The following NAF1 variants were observed in gnomAD, a reference collection of about 807,000 sequenced individuals.
The protein encoded by NAF1 is nuclear assembly factor 1 ribonucleoprotein.
In NAF1, 11 loss-of-function variants were observed where a neutral mutation model predicts 40.6. That is an observed-to-expected ratio of 0.27 (90% CI 0.17 to 0.45). NAF1 has a LOEUF of 0.45. Among genes scored for constraint, NAF1 ranks in the 20% least tolerant of loss-of-function variants. The pLI is 1.00. For synonymous variants in NAF1, 260 were observed against 228.5 expected (o/e 1.14, Z -1.24); for missense variants, 607 against 611.1 (o/e 0.99, Z 0.07).
In NAF1 at chr4:163,128,918, A is replaced by C; in HGVS notation, c.1464T>G (p.Ser488=). The change falls in exon 8 of 8, where the codon TCT becomes TCG. Residue 488 remains serine (S), a synonymous_variant. Transcript: ENST00000274054. ...TCACCTAATAGTAAGGTCCAAAATG[A>C]GAATTACTATCTCCAGAAGAGGGTG... The part of the protein sequence containing the change: ...PPPPSSGDSN[S]HFGPYY The C allele has an allele frequency of 1.3e-6, 2 of 1,495,664 alleles. No homozygotes were observed. The highest frequency in any genetic ancestry group is 1.8e-6 in the Non-Finnish European group (2 of 1,115,024). 92.6% of individuals were successfully genotyped at this position (1,495,664 alleles called of 1,614,324 possible). A position where few individuals can be genotyped will look rare whatever the true frequency, so the allele number is the denominator to read the frequency against.
chr4:163,146,003 A>G lies in NAF1; in HGVS notation c.635-139T>C, dbSNP rs1171461454. The G allele has an allele frequency of 9.7e-6, 5 of 515,322 alleles. No homozygotes were observed. In the African/African-American group the frequency reaches 1.0e-4, roughly 10 times the overall value. The allele number at this position is 515,322 out of a possible 1,614,324, so 31.9% of individuals were successfully genotyped here. On this transcript the variant is annotated intron_variant, in intron 3 of 7. Transcript: ENST00000274054. ...TTACCTCATTAACCATTTTCTCTTC[A>G]GTAAACAAAGTCTACTTATTACCAA...
At chr4:163,152,937 A>G (rs1482226777) in intron 2 of NAF1, among the ~76,000 whole-genome samples, 1 of 152,188 alleles carries the variant, frequency 6.6e-6, no homozygotes, top group African/African-American at 2.4e-5. Context: ...CCCCGCACTC[A>G]GAGCAGCCGG....
intron 2 of NAF1, among the ~76,000 whole-genome samples, chr4:163,114,900 A>C (rs1223956763): frequency 1.3e-5 from 2 of 152,158 alleles, no homozygotes; most frequent in African/African-American, 2.4e-5. Flanking sequence ...TCTACTTAAT[A>C]GAGGACTACT....
downstream of NAF1, chr4:163,126,774 C>G (rs1730668348): frequency 4.3e-6 from 2 of 463,590 alleles, no homozygotes; most frequent in Non-Finnish European, 7.1e-6. Flanking sequence ...ATTAATGTAG[C>G]ACACTTCACT....
intron 2 of NAF1, among the ~76,000 whole-genome samples, chr4:163,115,556 T>C (rs893585757): frequency 3.8e-4 from 58 of 152,144 alleles, no homozygotes; most frequent in African/African-American, 1.4e-3. Context: ...TTTCTATTTA[T>C]TTTTTGCCAA....
chr4:163,129,485 T>C (rs776753862), intron 7 of NAF1, 137 bp from the exon 8 acceptor site: 9 of 965,818 alleles, frequency 9.3e-6, no homozygotes, highest in Non-Finnish European at 1.3e-5. Flanking sequence ...CATAAAATGG[T>C]AAATTTGAAA....
intron 5 of NAF1, 33 bp from the exon 6 acceptor site, chr4:163,137,283 A>G (rs775487120): frequency 5.0e-6 from 8 of 1,588,352 alleles, no homozygotes; most frequent in Non-Finnish European, 1.7e-6. Context: ...TCAAAAAAGT[A>G]TTCATCACAA....
At chr4:163,155,139 A>C (rs1425775432) in intron 2 of NAF1, among the ~76,000 whole-genome samples, 2 of 152,168 alleles carry the variant, frequency 1.3e-5, no homozygotes, top group Non-Finnish European at 2.9e-5. Flanking sequence ...TCTCTTTTTC[A>C]ACTAGCAAAT....
chr4:163,120,880 G>A (rs1730499577), intron 2 of NAF1, among the ~76,000 whole-genome samples: 2 of 152,016 alleles, frequency 1.3e-5, no homozygotes, highest in South Asian at 4.1e-4. Flanking sequence ...CTCAAAACAA[G>A]TCCTTTGGTC....
chr4:163,134,526 G>A (rs1730983752), intron 6 of NAF1, among the ~76,000 whole-genome samples: 2 of 152,154 alleles, frequency 1.3e-5, no homozygotes, highest in African/African-American at 2.4e-5. Context: ...TAGAAAGTAT[G>A]GAGATCAGAT....
At chr4:163,130,650 C>T (rs1448954297) in intron 7 of NAF1, among the ~76,000 whole-genome samples, 1 of 152,118 alleles carries the variant, frequency 6.6e-6, no homozygotes, top group African/African-American at 2.4e-5. Flanking sequence ...ACATAATAAA[C>T]GGATATTTAA....
At chr4:163,164,011 G>A (rs912387534) in intron 2 of NAF1, among the ~76,000 whole-genome samples, 2 of 152,100 alleles carry the variant, frequency 1.3e-5, no homozygotes, top group Admixed American at 6.5e-5. Flanking sequence ...ATTATCAAAG[G>A]TCAGCAGAGT....
At chr4:163,133,358 C>G (rs1730942189) in intron 6 of NAF1, 102 bp from the exon 7 acceptor site, 1 of 785,032 alleles carries the variant, frequency 1.3e-6, no homozygotes, top group African/African-American at 1.7e-5. Context: ...GCATCAATGA[C>G]TCTAAAAAAA....
downstream of NAF1, among the ~76,000 whole-genome samples, chr4:163,125,983 A>C (rs1025106048): frequency 6.6e-6 from 1 of 151,318 alleles, no homozygotes; most frequent in African/African-American, 2.4e-5. Context: ...GGATGACAGC[A>C]CATCTTTTAA....
At chr4:163,110,206 C>G in exon 3 of NAF1, 1 of 671,952 alleles carries the variant, frequency 1.5e-6, no homozygotes, top group Non-Finnish European at 2.7e-6. Flanking sequence ...CATCACCAGC[C>G]ATACCATCAT....
At chr4:163,107,291 G>A (rs116557333), downstream of NAF1, among the ~76,000 whole-genome samples, 467 of 152,304 alleles carry the variant, frequency 3.1e-3, 2 homozygotes, top group African/African-American at 9.8e-3. Context: ...CTAGCACTTT[G>A]AGACTCTTGC....
At chr4:163,134,070 A>C (rs562709544) in intron 6 of NAF1, among the ~76,000 whole-genome samples, 7 of 152,332 alleles carry the variant, frequency 4.6e-5, no homozygotes, top group African/African-American at 1.4e-4. Flanking sequence ...ACTCACATTA[A>C]CTAATTATTA....
chr4:163,142,149 G>A (rs1731285720), intron 4 of NAF1, among the ~76,000 whole-genome samples: 1 of 152,206 alleles, frequency 6.6e-6, no homozygotes, highest in Non-Finnish European at 1.5e-5. Flanking sequence ...TAAGAACTGT[G>A]AAGGACAGAA....
chr4:163,137,193 A>T lies in NAF1; in HGVS notation c.930+6T>A. 1 of 1,612,318 alleles carries T rather than the reference A, an allele frequency of 6.2e-7. No individual in the cohort carries two copies. Among genetic ancestry groups the T allele is most frequent in the Non-Finnish European group, 8.5e-7 (1 of 1,178,642 alleles). Reference sequence around the variant, plus strand: ...TAAAATGTTGCATAAAAAGACTTATACTTACCTCTGGTGGTGGTTCCTGAT... The same window carrying T: ...TAAAATGTTGCATAAAAAGACTTATTCTTACCTCTGGTGGTGGTTCCTGAT... On this transcript the variant is annotated splice_donor_region_variant and intron_variant, in intron 6 of 7. Transcript: ENST00000274054.
Sources: gnomAD v4.1 joint callset for allele counts (sites outside exome capture counted in the v4.1 genomes callset) on GRCh38, gnomAD v4.1.1 for gene constraint, MANE v1.5 for transcripts, NCBI Gene and HGNC (gene_info 2026-07-23, HGNC 2026-07-21) for gene names.